SLC25A21: variants seen among roughly 807,000 people sequenced by gnomAD.
SLC25A21 encodes the protein solute carrier family 25 member 21.
Under a neutral mutation model 43.8 loss-of-function variants are expected in SLC25A21, and 47 were observed. The ratio of observed to expected loss-of-function variants is 1.07; its 90% CI spans 0.85 to 1.37. The LOEUF is 1.37. Among genes scored for constraint, SLC25A21 ranks in the 40% most tolerant of loss-of-function variants. The pLI, the probability that SLC25A21 is intolerant of heterozygous loss-of-function variation, is 0.00. For missense variants in SLC25A21, 352 were observed against 350.2 expected, an observed-to-expected ratio of 1.00 and a Z score of -0.04; for synonymous variants, 131 against 121.3, an observed-to-expected ratio of 1.08 and a Z score of -0.52.
intron 1 of SLC25A21, among the ~76,000 whole-genome samples, chr14:37,049,902 A>G (rs1354494603): frequency 2.0e-5 from 3 of 152,216 alleles, no homozygotes; most frequent in Non-Finnish European, 4.4e-5. Flanking sequence ...TGGACAAGCA[A>G]CAAGTCCAGT....
intron 1 of SLC25A21, among the ~76,000 whole-genome samples, chr14:37,115,929 TAAAA>T (rs1210967614): frequency 1.3e-5 from 2 of 152,146 alleles, no homozygotes; most frequent in African/African-American, 2.4e-5. Flanking sequence ...TTCTTCTACT[TAAAA>T]ACTACATTAA....
At chr14:36,901,862 C>T (rs1313253070) in intron 1 of SLC25A21, among the ~76,000 whole-genome samples, 1 of 152,172 alleles carries the variant, frequency 6.6e-6, no homozygotes, top group Non-Finnish European at 1.5e-5. Flanking sequence ...TGAATGTTCA[C>T]TTAAAGCTTA....
rs182166966 is a variant in SLC25A21 at position 36,836,308 on chromosome 14, C to A, written c.120-22307G>T. 5.3e-5 allele frequency among the ~76,000 whole-genome samples: 8 copies of A among 152,262 alleles called. No homozygotes were observed. In the East Asian group the frequency reaches 1.5e-3, roughly 29 times the overall value. On this transcript the variant is annotated intron_variant, in intron 2 of 9. Transcript: ENST00000331299. ...GGAAATCATTGGCATTTGCTACAACCCAACATGGTTCAAACCAGGAATCTT... is the reference window on the plus strand; with the variant it reads ...GGAAATCATTGGCATTTGCTACAACACAACATGGTTCAAACCAGGAATCTT...
At chr14:36,959,383 A>T (rs927154499) in intron 1 of SLC25A21, among the ~76,000 whole-genome samples, 11 of 152,184 alleles carry the variant, frequency 7.2e-5, no homozygotes, top group African/African-American at 2.7e-4. Flanking sequence ...AAATGTCTTT[A>T]AACATTCTAA....
intron 3 of SLC25A21, among the ~76,000 whole-genome samples, chr14:36,807,813 T>C (rs1158460303): frequency 1.3e-5 from 2 of 152,168 alleles, no homozygotes; most frequent in Non-Finnish European, 2.9e-5. Flanking sequence ...CTCATTCCCC[T>C]TCTTAATGAA....
At chr14:36,832,633 C>G (rs1009639534) in intron 2 of SLC25A21, among the ~76,000 whole-genome samples, 1 of 152,120 alleles carries the variant, frequency 6.6e-6, no homozygotes, top group Admixed American at 6.6e-5. Context: ...ACTAGAAAAA[C>G]AAACAACATT....
At chr14:36,984,831 T>C in intron 1 of SLC25A21, among the ~76,000 whole-genome samples, 1 of 152,082 alleles carries the variant, frequency 6.6e-6, no homozygotes, top group Non-Finnish European at 1.5e-5. Context: ...ACTGGGTATA[T>C]GCCCAAAGGA....
chr14:37,001,699 G>C (rs1184977974), intron 1 of SLC25A21, among the ~76,000 whole-genome samples: 1 of 152,014 alleles, frequency 6.6e-6, no homozygotes, highest in African/African-American at 2.4e-5. Context: ...ATTTAAGTAA[G>C]ACACATTGCC....
At chr14:36,875,330 A>AT (rs1246220290) in intron 1 of SLC25A21, among the ~76,000 whole-genome samples, 1 of 152,154 alleles carries the variant, frequency 6.6e-6, no homozygotes, top group Admixed American at 6.5e-5. Flanking sequence ...CAACCCAATA[A>AT]TAAGGATATG....
intron 1 of SLC25A21, among the ~76,000 whole-genome samples, chr14:37,079,488 C>A (rs895683488): frequency 6.6e-6 from 1 of 152,278 alleles, no homozygotes; most frequent in East Asian, 1.9e-4. Flanking sequence ...TCACTTTAAC[C>A]TTGCTCCTAT....
chr14:37,003,664 T>C (rs560514273), intron 1 of SLC25A21, among the ~76,000 whole-genome samples: 1 of 152,254 alleles, frequency 6.6e-6, no homozygotes. Context: ...CATAAAACAT[T>C]ATATACTCAA....
chr14:36,833,781 T>C (rs1163900463), intron 2 of SLC25A21, among the ~76,000 whole-genome samples: 1 of 152,214 alleles, frequency 6.6e-6, no homozygotes, highest in Admixed American at 6.5e-5. Context: ...ATAAGGGATT[T>C]GACAAGGTAA....
intron 1 of SLC25A21, among the ~76,000 whole-genome samples, chr14:37,134,458 C>A (rs1817064638): frequency 6.6e-6 from 1 of 151,948 alleles, no homozygotes; most frequent in Non-Finnish European, 1.5e-5. Context: ...TATCCTGATT[C>A]TTTAGATTTC....
chr14:36,726,837 C>G (rs1205203738), intron 5 of SLC25A21, among the ~76,000 whole-genome samples: 2 of 152,128 alleles, frequency 1.3e-5, no homozygotes, highest in Admixed American at 1.3e-4. Context: ...AGAATAAAAC[C>G]AGTGAAGAGT....
chr14:37,119,742 G>A lies in SLC25A21; in HGVS notation c.70+52539C>T, dbSNP rs151213858. On this transcript the variant is annotated intron_variant, in intron 1 of 9. Transcript: ENST00000331299. ...CTTTCTTGTGTGAGGTCCAAGAACC[G>A]TCTCTTGGGGTCTGGATGGGAACCC... Among the ~76,000 whole-genome samples, 884 of 152,180 alleles carry A rather than the reference G, an allele frequency of 5.8e-3. 10 individuals are homozygous for A. Among genetic ancestry groups the A allele is most frequent in the African/African-American group, 0.02 (848 of 41,518 alleles).
At chr14:36,978,395 G>A (rs1353668611) in intron 1 of SLC25A21, among the ~76,000 whole-genome samples, 1 of 152,126 alleles carries the variant, frequency 6.6e-6, no homozygotes, top group Non-Finnish European at 1.5e-5. Context: ...AAAATGATGT[G>A]CATATCTTAA....
chr14:37,088,677 C>A (rs1018374798), intron 1 of SLC25A21, among the ~76,000 whole-genome samples: 12 of 152,222 alleles, frequency 7.9e-5, no homozygotes, highest in Non-Finnish European at 1.6e-4. Context: ...AGTCATCCAT[C>A]AAACTGAAGG....
chr14:36,837,632 C>CT (rs1470030386), intron 2 of SLC25A21, among the ~76,000 whole-genome samples: 1 of 152,098 alleles, frequency 6.6e-6, no homozygotes, highest in Non-Finnish European at 1.5e-5. Context: ...CGAGCAATGG[C>CT]TACAGCTGGA....
chr14:37,166,285 G>C (rs1021084270), intron 1 of SLC25A21, among the ~76,000 whole-genome samples: 3 of 152,214 alleles, frequency 2.0e-5, no homozygotes, highest in African/African-American at 7.2e-5. Context: ...GATAATGTTT[G>C]CCTAGATAGA....
Sources: gnomAD v4.1 joint callset for allele counts (sites outside exome capture counted in the v4.1 genomes callset) on GRCh38, gnomAD v4.1.1 for gene constraint, MANE v1.5 for transcripts, NCBI Gene and HGNC (gene_info 2026-07-23, HGNC 2026-07-21) for gene names.